Variants in GPM6A observed in about 807,000 individuals in gnomAD.
GPM6A encodes the protein neuronal membrane glycoprotein M6-a.
A neutral mutation model predicts 32.1 loss-of-function variants in GPM6A; 7 were observed. That is an observed-to-expected ratio of 0.22 (90% CI 0.12 to 0.41). The LOEUF is 0.41. Among genes scored for constraint, GPM6A ranks in the 10% least tolerant of loss-of-function variants. The probability of loss-of-function intolerance (pLI) is 1.00; values close to 1 mark genes in which losing one functional copy is unlikely to be tolerated. For synonymous variants in GPM6A, 130 were observed against 123.4 expected (o/e 1.05, Z -0.35); for missense variants, 235 against 347.2 (o/e 0.68, Z 2.57).
intron 1 of GPM6A, among the ~76,000 whole-genome samples, chr4:175,860,677 T>C (rs975437573): frequency 2.6e-5 from 4 of 152,134 alleles, no homozygotes; most frequent in Non-Finnish European, 5.9e-5. Flanking sequence ...GTTACTTCGG[T>C]GACAAGCAAG....
At position 175,684,497 on chromosome 4, in the gene GPM6A, T is replaced by C. The variant is rs1743864783; in HGVS notation, c.231-10661A>G. On this transcript the variant is annotated intron_variant, in intron 2 of 6. Transcript: ENST00000393658. ...GGGTGGCACAAGAATTGATAAAATC[T>C]AATTTTATCAAATTAGATAAAATCA... 2.0e-5 allele frequency among the ~76,000 whole-genome samples: 3 copies of C among 152,334 alleles called. No homozygotes were observed. The South Asian group carries it at 6.2e-4, about 32-fold the overall frequency.
chr4:175,906,433 AT>A (rs1325967575), intron 1 of GPM6A, among the ~76,000 whole-genome samples: 2 of 152,146 alleles, frequency 1.3e-5, no homozygotes, highest in African/African-American at 4.8e-5. Context: ...GGATCTTTTC[AT>A]TTTTATCAGA....
intron 1 of GPM6A, among the ~76,000 whole-genome samples, chr4:175,730,085 A>T (rs1049524613): frequency 7.9e-5 from 12 of 151,730 alleles, no homozygotes; most frequent in Non-Finnish European, 1.6e-4. Context: ...GAATCTTTTT[A>T]AAAAATTTTA....
intron 1 of GPM6A, among the ~76,000 whole-genome samples, chr4:175,722,892 A>G (rs1746217665): frequency 6.6e-6 from 1 of 151,300 alleles, no homozygotes; most frequent in African/African-American, 2.4e-5. Context: ...GAAATTAAAA[A>G]AAAAAAATGA....
At chr4:175,740,370 A>G (rs1371806139) in intron 1 of GPM6A, among the ~76,000 whole-genome samples, 1 of 152,080 alleles carries the variant, frequency 6.6e-6, no homozygotes, top group African/African-American at 2.4e-5. Context: ...AATCAGCATT[A>G]CATGCAAATT....
At chr4:175,988,333 G>T (rs1056138587) in intron 1 of GPM6A, among the ~76,000 whole-genome samples, 1 of 152,100 alleles carries the variant, frequency 6.6e-6, no homozygotes, top group African/African-American at 2.4e-5. Flanking sequence ...ACTGGACAAA[G>T]AAAGAAAGAC....
At chr4:175,919,978 G>A (rs901016303) in intron 1 of GPM6A, among the ~76,000 whole-genome samples, 3 of 152,238 alleles carry the variant, frequency 2.0e-5, no homozygotes, top group African/African-American at 7.2e-5. Context: ...GTGAAGCAAA[G>A]AGAATCTTAC....
chr4:175,794,539 T>C (rs1734140846), intron 1 of GPM6A, among the ~76,000 whole-genome samples: 1 of 152,224 alleles, frequency 6.6e-6, no homozygotes, highest in Non-Finnish European at 1.5e-5. Context: ...AAGATTAATA[T>C]TGCTCGGAAG....
At chr4:175,845,525 G>A (rs868571097) in intron 1 of GPM6A, among the ~76,000 whole-genome samples, 5 of 152,078 alleles carry the variant, frequency 3.3e-5, no homozygotes, top group African/African-American at 7.2e-5. Flanking sequence ...TAGAGTTACC[G>A]TTGTGCTTAT....
intron 3 of GPM6A, among the ~76,000 whole-genome samples, chr4:175,664,881 C>T (rs530931867): frequency 9.9e-5 from 15 of 152,262 alleles, no homozygotes; most frequent in African/African-American, 3.4e-4. Context: ...CTTACACAAA[C>T]CTAGATGTGT....
At chr4:175,673,943 T>C in intron 2 of GPM6A, 107 bp from the exon 3 acceptor site, 3 of 673,556 alleles carry the variant, frequency 4.5e-6, no homozygotes, top group Non-Finnish European at 7.1e-6. Flanking sequence ...TTATAGAATA[T>C]TTATATTCAT....
intron 1 of GPM6A, among the ~76,000 whole-genome samples, chr4:175,835,735 ATATAT>A (rs1735748522): frequency 7.1e-6 from 1 of 140,790 alleles, no homozygotes; most frequent in African/African-American, 2.5e-5. Flanking sequence ...ACTATATATA[ATATAT>A]TATTTTTTCA....
At chr4:175,982,254 G>T (rs1740841916) in intron 1 of GPM6A, among the ~76,000 whole-genome samples, 1 of 151,992 alleles carries the variant, frequency 6.6e-6, no homozygotes, top group South Asian at 2.1e-4. Context: ...CTTCCATTTT[G>T]ATGGATATCA....
At chr4:175,914,902 C>T (rs950945867) in intron 1 of GPM6A, among the ~76,000 whole-genome samples, 2 of 152,160 alleles carry the variant, frequency 1.3e-5, no homozygotes, top group African/African-American at 4.8e-5. Flanking sequence ...ACAAGACACA[C>T]CCCAAGCAAT....
chr4:175,882,271 T>C (rs1188539916), intron 1 of GPM6A, among the ~76,000 whole-genome samples: 1 of 152,184 alleles, frequency 6.6e-6, no homozygotes, highest in Admixed American at 6.5e-5. Context: ...CTGTAAGCTC[T>C]AATATGTACT....
intron 1 of GPM6A, among the ~76,000 whole-genome samples, chr4:175,963,058 T>C (rs562222232): frequency 6.7e-6 from 1 of 150,196 alleles, no homozygotes; most frequent in Non-Finnish European, 1.5e-5. Flanking sequence ...ATAGATTGAA[T>C]AGAGGCAAGC....
chr4:175,892,124 A>G (rs149686000), intron 1 of GPM6A, among the ~76,000 whole-genome samples: 8 of 152,324 alleles, frequency 5.3e-5, no homozygotes, highest in Admixed American at 2.0e-4. Flanking sequence ...GCGAACTACA[A>G]TTTACATTCT....
chr4:175,775,537 A>G (rs17606799), intron 1 of GPM6A, among the ~76,000 whole-genome samples: 3,066 of 152,120 alleles, frequency 0.02, 57 homozygotes, highest in Non-Finnish European at 0.031. Flanking sequence ...ATCCTTACCT[A>G]TCCACTATTA....
chr4:175,641,566 T>G (rs1001170954), intron 4 of GPM6A: 1 of 152,240 alleles, frequency 6.6e-6, no homozygotes, highest in Non-Finnish European at 1.5e-5. Context: ...AATTTTATTT[T>G]CTGAACTCTT....
Sources: gnomAD v4.1 joint callset for allele counts (sites outside exome capture counted in the v4.1 genomes callset) on GRCh38, gnomAD v4.1.1 for gene constraint, MANE v1.5 for transcripts, NCBI Gene and HGNC (gene_info 2026-07-23, HGNC 2026-07-21) for gene names.